Variants in DNAJC24 observed in about 807,000 individuals in gnomAD.
DNAJC24 encodes the protein DnaJ heat shock protein family (Hsp40) member C24.
In DNAJC24, 17 loss-of-function variants were observed where a neutral mutation model predicts 18.0. The observed-to-expected ratio is 0.94, with a 90% CI of 0.65 to 1.42. The LOEUF is 1.42. Among genes scored for constraint, DNAJC24 ranks in the 40% most tolerant of loss-of-function variants. DNAJC24 has a pLI of 0.00. For missense variants in DNAJC24, 158 were observed against 175.6 expected (o/e 0.90, Z 0.57); for synonymous variants, 55 against 57.7 (o/e 0.95, Z 0.21).
At chr11:31,407,440 A>G (rs1012131857) in intron 2 of DNAJC24, 14 of 152,060 alleles carry the variant, frequency 9.2e-5, no homozygotes, top group Admixed American at 9.2e-4. Context: ...GCTAATGAAT[A>G]TATAATATTC....
intron 3 of DNAJC24, among the ~76,000 whole-genome samples, chr11:31,424,620 A>G (rs1041079015): frequency 2.6e-5 from 4 of 152,194 alleles, no homozygotes; most frequent in African/African-American, 9.6e-5. Context: ...CAGTAGACAT[A>G]CAGAGATGGA....
chr11:31,381,616 C>G (rs1297124923), intron 2 of DNAJC24, among the ~76,000 whole-genome samples: 1 of 151,098 alleles, frequency 6.6e-6, no homozygotes, highest in African/African-American at 2.4e-5. Context: ...GCTCTGTCAC[C>G]CGAGCTGGAG....
chr11:31,390,395 C>CAAAA (rs370680501), intron 2 of DNAJC24, among the ~76,000 whole-genome samples: 1 of 48,568 alleles, frequency 2.1e-5, no homozygotes, highest in African/African-American at 8.6e-5. Context: ...GACTCTATCT[C>CAAAA]AAAAAAAAAA....
chr11:31,397,674 A>T (rs1230355703), intron 2 of DNAJC24, among the ~76,000 whole-genome samples: 1 of 152,166 alleles, frequency 6.6e-6, no homozygotes, highest in East Asian at 1.9e-4. Flanking sequence ...TGTCTAAACT[A>T]TATTCAGATT....
chr11:31,423,922 G>A (rs1397801821), intron 3 of DNAJC24, among the ~76,000 whole-genome samples: 2 of 152,102 alleles, frequency 1.3e-5, no homozygotes, highest in Non-Finnish European at 2.9e-5. Flanking sequence ...CAAGAAATAG[G>A]TGGCTACTCT....
chr11:31,430,246 A>C (rs759371200), intron 4 of DNAJC24, 25 bp from the exon 5 acceptor site: 24 of 1,594,340 alleles, frequency 1.5e-5, no homozygotes, highest in Non-Finnish European at 2.1e-5. Context: ...AAGTCTTTGA[A>C]AGATTATTTT....
intron 3 of DNAJC24, among the ~76,000 whole-genome samples, chr11:31,419,349 G>A (rs1019340370): frequency 3.7e-4 from 56 of 151,982 alleles, no homozygotes; most frequent in African/African-American, 1.3e-3. Context: ...GTTGGGGACT[G>A]GCTTTATCTT....
At position 31,374,515 on chromosome 11, in the gene DNAJC24, G is replaced by A. The variant is rs1053825980; in HGVS notation, c.111+3656G>A. On this transcript the variant is annotated intron_variant, in intron 2 of 4. Transcript: ENST00000465995. ...TTCTAGTTGCTATTATTTTGTCATG[G>A]ATTTTTATGTTTAATTTCATGCTGT... Among the ~76,000 whole-genome samples the A allele has an allele frequency of 2.2e-5, 3 of 133,646 alleles. 1 individual carries two copies. The South Asian group carries it at 7.6e-4, about 34-fold the overall frequency. The allele number at this position is 133,646 out of a possible 152,430, so 87.7% of individuals were successfully genotyped here. A position where few individuals can be genotyped will look rare whatever the true frequency, so the allele number is the denominator to read the frequency against.
At chr11:31,405,716 A>G (rs1181333830) in intron 2 of DNAJC24, among the ~76,000 whole-genome samples, 1 of 151,968 alleles carries the variant, frequency 6.6e-6, no homozygotes, top group Non-Finnish European at 1.5e-5. Flanking sequence ...CAGCATCCCA[A>G]AGTGCTGGGA....
chr11:31,405,192 C>T (rs1205170823), intron 2 of DNAJC24, among the ~76,000 whole-genome samples: 1 of 151,396 alleles, frequency 6.6e-6, no homozygotes, highest in Non-Finnish European at 1.5e-5. Flanking sequence ...GCCTCAGCCT[C>T]CCGAGTAGCT....
intron 3 of DNAJC24, among the ~76,000 whole-genome samples, chr11:31,424,961 T>G (rs1326693909): frequency 6.6e-6 from 1 of 150,704 alleles, no homozygotes; most frequent in Non-Finnish European, 1.5e-5. Flanking sequence ...TTTAGTAGAG[T>G]TTTTTTTTGT....
intron 2 of DNAJC24, among the ~76,000 whole-genome samples, chr11:31,372,453 G>A (rs1175117222): frequency 2.2e-5 from 3 of 134,950 alleles, no homozygotes; most frequent in African/African-American, 7.5e-5. Flanking sequence ...TTTTGCCCCA[G>A]AAGTTTTAAA....
intron 2 of DNAJC24, among the ~76,000 whole-genome samples, chr11:31,386,117 C>T (rs530343576): frequency 6.6e-6 from 1 of 152,226 alleles, no homozygotes; most frequent in South Asian, 2.1e-4. Context: ...CCAGCAAACC[C>T]TGCCACCATG....
intron 4 of DNAJC24, chr11:31,427,017 C>T (rs548215922): frequency 3.3e-5 from 5 of 152,228 alleles, no homozygotes; most frequent in East Asian, 1.9e-4. Flanking sequence ...GGGAAACACA[C>T]TTTACTAAAC....
intron 3 of DNAJC24, 79 bp downstream of exon 3, chr11:31,415,028 T>G: frequency 1.4e-6 from 2 of 1,480,278 alleles, no homozygotes; most frequent in South Asian, 2.7e-5. Context: ...GGGGAGCATT[T>G]TCCAGCATTT....
intron 3 of DNAJC24, among the ~76,000 whole-genome samples, chr11:31,423,842 C>T (rs1405762739): frequency 1.3e-5 from 2 of 152,132 alleles, no homozygotes; most frequent in African/African-American, 4.8e-5. Flanking sequence ...GGGCAAGGTA[C>T]TAACCATTTT....
At chr11:31,379,235 T>C (rs1253067770) in intron 2 of DNAJC24, among the ~76,000 whole-genome samples, 1 of 152,190 alleles carries the variant, frequency 6.6e-6, no homozygotes, top group Non-Finnish European at 1.5e-5. Flanking sequence ...TGTTACCACC[T>C]GAGCTCTGCA....
At chr11:31,390,349 T>C (rs1019398165) in intron 2 of DNAJC24, among the ~76,000 whole-genome samples, 1 of 132,442 alleles carries the variant, frequency 7.6e-6, no homozygotes, top group African/African-American at 3.0e-5. Context: ...TGAACTGAGA[T>C]CGTGCCACTA....
chr11:31,413,554 G>C (rs544893711), intron 2 of DNAJC24, among the ~76,000 whole-genome samples: 1 of 151,846 alleles, frequency 6.6e-6, no homozygotes, highest in South Asian at 2.1e-4. Context: ...GGATGGTCTC[G>C]ATCTCCTGAC....
Sources: gnomAD v4.1 joint callset for allele counts (sites outside exome capture counted in the v4.1 genomes callset) on GRCh38, gnomAD v4.1.1 for gene constraint, MANE v1.5 for transcripts, NCBI Gene and HGNC (gene_info 2026-07-23, HGNC 2026-07-21) for gene names.